The following NETO2 variants were observed in gnomAD, a reference collection of about 807,000 sequenced individuals.
The protein encoded by NETO2 is neuropilin and tolloid-like protein 2.
In NETO2, 28 loss-of-function variants were observed where a neutral mutation model predicts 62.5. That is an observed-to-expected ratio of 0.45 (90% CI 0.33 to 0.61). The LOEUF (loss-of-function observed/expected upper bound fraction) is 0.61, where lower values mean the gene tolerates loss of function less well. Ranked by LOEUF, NETO2 falls within the 20% of genes least tolerant of loss-of-function variation. The pLI is 0.02. For synonymous variants in NETO2, 214 were observed against 219.1 expected, an observed-to-expected ratio of 0.98 and a Z score of 0.21; for missense variants, 548 against 643.2, an observed-to-expected ratio of 0.85 and a Z score of 1.60.
At chr16:47,098,858 G>T (rs1437133352) in intron 7 of NETO2, among the ~76,000 whole-genome samples, 1 of 152,160 alleles carries the variant, frequency 6.6e-6, no homozygotes, top group Non-Finnish European at 1.5e-5. Flanking sequence ...CCACAAGAGA[G>T]TGGGGGCCAA....
intron 6 of NETO2, among the ~76,000 whole-genome samples, chr16:47,118,362 A>C (rs780529700): frequency 6.6e-6 from 1 of 152,170 alleles, no homozygotes; most frequent in Non-Finnish European, 1.5e-5. Context: ...CCTCAGAAAG[A>C]AAGCCTGCAT....
Position 47,131,836 on chromosome 16 carries a change from G to C in NETO2, c.91+133C>G, listed in dbSNP as rs950394796. 4 of 716,940 alleles carry C rather than the reference G, an allele frequency of 5.6e-6. No homozygotes were observed. The African/African-American group carries it at 7.2e-5, about 13-fold the overall frequency. 44.4% of individuals were successfully genotyped at this position (716,940 alleles called of 1,614,324 possible). On this transcript the variant is annotated intron_variant, in intron 2 of 8. Transcript: ENST00000562435. ...AACTCAGTTAAATTGAGGCTGATGG[G>C]TTGACAGAAAGCCTTAGGTCACTGG... is the stretch of plus-strand genomic sequence containing the variant.
At chr16:47,111,061 T>C (rs1340771847) in intron 6 of NETO2, among the ~76,000 whole-genome samples, 1 of 152,218 alleles carries the variant, frequency 6.6e-6, no homozygotes, top group Non-Finnish European at 1.5e-5. Context: ...TCATTAGTTT[T>C]CCATCACTTA....
intron 7 of NETO2, among the ~76,000 whole-genome samples, chr16:47,092,027 T>G (rs1963323671): frequency 6.8e-6 from 1 of 147,668 alleles, no homozygotes; most frequent in African/African-American, 2.5e-5. Flanking sequence ...CTGTTTTGGT[T>G]TTTTTTTTTT....
intron 1 of NETO2, among the ~76,000 whole-genome samples, 156 bp from the exon 2 acceptor site, chr16:47,132,181 T>C (rs1964279927): frequency 6.6e-6 from 1 of 152,218 alleles, no homozygotes. Flanking sequence ...AAATGTTATG[T>C]TCTGATTTGC....
chr16:47,093,702 C>T (rs1355900028), intron 7 of NETO2, among the ~76,000 whole-genome samples: 1 of 152,108 alleles, frequency 6.6e-6, no homozygotes, highest in Non-Finnish European at 1.5e-5. Flanking sequence ...AAGAGTTCAG[C>T]TATAAGAAAG....
intron 6 of NETO2, among the ~76,000 whole-genome samples, chr16:47,118,986 GT>G (rs1402355491): frequency 1.3e-5 from 2 of 151,926 alleles, no homozygotes; most frequent in East Asian, 3.9e-4. Context: ...ATAGGTTCTT[GT>G]TTTTTCTTTT....
At chr16:47,113,853 A>C (rs1482679518) in intron 6 of NETO2, among the ~76,000 whole-genome samples, 1 of 152,068 alleles carries the variant, frequency 6.6e-6, no homozygotes, top group South Asian at 2.1e-4. Context: ...TCAGCCTCCC[A>C]AAGTGCTGGG....
intron 6 of NETO2, among the ~76,000 whole-genome samples, chr16:47,111,136 C>T (rs993730157): frequency 3.2e-4 from 49 of 152,322 alleles, no homozygotes; most frequent in African/African-American, 9.9e-4. Flanking sequence ...CTTCCCTCTT[C>T]CACTAGACTG....
intron 7 of NETO2, among the ~76,000 whole-genome samples, chr16:47,090,537 G>C (rs1182031094): frequency 6.6e-6 from 1 of 152,134 alleles, no homozygotes; most frequent in Non-Finnish European, 1.5e-5. Context: ...ACCTATTGCT[G>C]TTCCTCACTG....
In NETO2 at chr16:47,128,139, G is replaced by A. The variant is rs1024533741; in HGVS notation, c.481+186C>T. Among the ~76,000 whole-genome samples the A allele has an allele frequency of 8.3e-4, 127 of 152,108 alleles. 7 individuals are homozygous for A. The highest frequency in any genetic ancestry group is 4.8e-5 in the African/African-American group (2 of 41,430). On this transcript the variant is annotated intron_variant, in intron 4 of 8. Transcript: ENST00000562435. The stretch of plus-strand genomic sequence containing the variant: ...ATATGCTTCAAAATTCAAGTGATAC[G>A]TTTCTATGTCCAATTTCTATTAACT...
intron 3 of NETO2, 117 bp downstream of exon 3, chr16:47,129,107 T>G: frequency 1.1e-6 from 1 of 936,256 alleles, no homozygotes; most frequent in Admixed American, 2.1e-5. Flanking sequence ...TTACTACAGT[T>G]TAATTCAAAT....
intron 7 of NETO2, 117 bp downstream of exon 7, chr16:47,109,366 A>G (rs1205036989): frequency 2.0e-6 from 1 of 492,084 alleles, no homozygotes; most frequent in Non-Finnish European, 3.5e-6. Flanking sequence ...AAAGAGCTGT[A>G]GTAAAACAAA....
chr16:47,138,623 T>A (rs1199455365), intron 1 of NETO2, among the ~76,000 whole-genome samples: 1 of 152,144 alleles, frequency 6.6e-6, no homozygotes, highest in African/African-American at 2.4e-5. Context: ...TACTGACAAA[T>A]AGTTAAATGG....
At chr16:47,110,679 T>C (rs924571655) in intron 6 of NETO2, among the ~76,000 whole-genome samples, 2 of 152,198 alleles carry the variant, frequency 1.3e-5, no homozygotes, top group African/African-American at 4.8e-5. Flanking sequence ...AAGATTACCT[T>C]TGAATTGCCA....
chr16:47,112,976 T>C lies in NETO2; in HGVS notation c.655-3265A>G, dbSNP rs147011916. On this transcript the variant is annotated intron_variant, in intron 6 of 8. Transcript: ENST00000562435. ...TAAAACCTCATACCAATTATAGAAA[T>C]AAATCACTATGTATCCATTCTCCTA... 5.5e-3 allele frequency among the ~76,000 whole-genome samples: 843 copies of C among 152,320 alleles called. 6 individuals are homozygous for C. The highest frequency in any genetic ancestry group is 0.045 in the Middle Eastern group (13 of 292).
chr16:47,116,699 T>G (rs1963929560), intron 6 of NETO2, among the ~76,000 whole-genome samples: 1 of 152,204 alleles, frequency 6.6e-6, no homozygotes, highest in Non-Finnish European at 1.5e-5. Context: ...GCATTATATC[T>G]TCCTTGAATG....
intron 7 of NETO2, 97 bp from the exon 8 acceptor site, chr16:47,086,436 G>A (rs1301230322): frequency 2.9e-5 from 21 of 723,758 alleles, no homozygotes; most frequent in Middle Eastern, 2.4e-4. Context: ...CTTTCTTACC[G>A]CAAAGGCCTT....
Position 47,086,220 on chromosome 16 carries a change from A to G in NETO2, c.997+6T>C. 2 of 1,554,528 alleles carry G rather than the reference A, an allele frequency of 1.3e-6. No homozygotes were observed. The highest frequency in any genetic ancestry group is 1.8e-6 in the Non-Finnish European group (2 of 1,126,152). The stretch of plus-strand genomic sequence containing the variant: ...TCAAAAATGTTGGCCTTTACATCAA[A>G]CTCACCTTTACAATGATTTTCATCC... On this transcript the variant is annotated splice_donor_region_variant and intron_variant, in intron 8 of 8. Transcript: ENST00000562435.
Sources: allele counts gnomAD v4.1 joint callset (sites outside exome capture counted in the v4.1 genomes callset), GRCh38; gene constraint gnomAD v4.1.1; transcripts MANE v1.5; gene names NCBI Gene and HGNC (gene_info 2026-07-23, HGNC 2026-07-21).